SCAPER: variants seen among roughly 807,000 people sequenced by gnomAD.
SCAPER encodes S-phase cyclin A associated protein in the ER, also known as S phase cyclin A-associated protein in the endoplasmic reticulum.
In SCAPER, 98 loss-of-function variants were observed where a neutral mutation model predicts 182.2. That is an observed-to-expected ratio of 0.54 (90% CI 0.46 to 0.64). SCAPER has a LOEUF of 0.64. Among genes scored for constraint, SCAPER ranks in the 30% least tolerant of loss-of-function variants. The pLI is 0.00. For synonymous variants in SCAPER, 605 were observed against 564.6 expected (o/e 1.07, Z -1.01); for missense variants, 1,432 against 1,690.0 (o/e 0.85, Z 2.68).
intron 24 of SCAPER, among the ~76,000 whole-genome samples, chr15:76,476,858 T>TA (rs2050688930): frequency 6.6e-6 from 1 of 152,146 alleles, no homozygotes; most frequent in Non-Finnish European, 1.5e-5. Flanking sequence ...TTTCTCATCC[T>TA]GTGGATATAA....
At chr15:76,872,491 A>C (rs1189435129) in intron 2 of SCAPER, among the ~76,000 whole-genome samples, 5 of 152,212 alleles carry the variant, frequency 3.3e-5, no homozygotes, top group East Asian at 1.9e-4. Flanking sequence ...GACAAAAAAA[A>C]CTCAGCTGAT....
chr15:76,732,825 A>G (rs2061002019), intron 16 of SCAPER, among the ~76,000 whole-genome samples: 1 of 152,200 alleles, frequency 6.6e-6, no homozygotes, highest in African/African-American at 2.4e-5. Flanking sequence ...TAGTGAAAGT[A>G]CTAAAAGTCT....
chr15:76,475,419 T>C (rs1183502918), intron 24 of SCAPER, among the ~76,000 whole-genome samples: 4 of 152,024 alleles, frequency 2.6e-5, no homozygotes, highest in Non-Finnish European at 5.9e-5. Context: ...CTCCGCCTCT[T>C]GGGTTCAAGC....
chr15:76,570,121 G>A (rs542764506), intron 23 of SCAPER, among the ~76,000 whole-genome samples: 1 of 152,194 alleles, frequency 6.6e-6, no homozygotes, highest in Admixed American at 6.5e-5. Flanking sequence ...TGGGGTATTA[G>A]CAATTTAGGA....
At chr15:76,363,041 C>T (rs779736027) in intron 29 of SCAPER, among the ~76,000 whole-genome samples, 6 of 152,226 alleles carry the variant, frequency 3.9e-5, no homozygotes, top group South Asian at 2.1e-4. Context: ...GACCCCAGCA[C>T]TGTGCCTGCC....
chr15:76,741,569 A>G (rs946930172), intron 15 of SCAPER, among the ~76,000 whole-genome samples: 1 of 152,096 alleles, frequency 6.6e-6, no homozygotes, highest in African/African-American at 2.4e-5. Flanking sequence ...GGCAGCTGCA[A>G]TGGAAAATGT....
At chr15:76,874,143 C>T (rs1326833699) in intron 2 of SCAPER, among the ~76,000 whole-genome samples, 1 of 152,146 alleles carries the variant, frequency 6.6e-6, no homozygotes, top group African/African-American at 2.4e-5. Flanking sequence ...ATCCATCTGC[C>T]TCGTCCTCCC....
chr15:76,801,866 AC>A (rs1249342307), intron 6 of SCAPER, among the ~76,000 whole-genome samples: 1 of 151,188 alleles, frequency 6.6e-6, no homozygotes, highest in Non-Finnish European at 1.5e-5. Context: ...CCAAGATGGC[AC>A]CACTGCACTC....
rs1380030491 is a variant in SCAPER at position 76,497,230 on chromosome 15, A to G, written c.2954+7629T>C. 2.0e-5 allele frequency among the ~76,000 whole-genome samples: 3 copies of G among 151,646 alleles called. No individual in the cohort carries two copies. In the East Asian group the frequency reaches 5.8e-4, roughly 29 times the overall value. On this transcript the variant is annotated intron_variant, in intron 24 of 31. Coordinates refer to ENST00000563290, the MANE Select transcript of SCAPER (RefSeq NM_020843.4). ...GATTATTCAAATTCAAATACCTAAGAAAAAAAATCACTTGAAGTTCTGCAA... is the reference window on the plus strand; with the variant it reads ...GATTATTCAAATTCAAATACCTAAGGAAAAAAATCACTTGAAGTTCTGCAA...
chr15:76,723,580 G>A (rs2060397234), intron 17 of SCAPER, among the ~76,000 whole-genome samples: 1 of 152,100 alleles, frequency 6.6e-6, no homozygotes, highest in African/African-American at 2.4e-5. Flanking sequence ...CTCTTTGTAG[G>A]TCTCTAAGGA....
chr15:76,357,129 G>A (rs1224676900), intron 29 of SCAPER, among the ~76,000 whole-genome samples: 2 of 122,296 alleles, frequency 1.6e-5, no homozygotes, highest in Admixed American at 1.9e-4. Flanking sequence ...AATTTAAAAA[G>A]AAGTAACCTT....
At chr15:76,792,688 G>GT (rs2065077118) in intron 8 of SCAPER, among the ~76,000 whole-genome samples, 1 of 152,218 alleles carries the variant, frequency 6.6e-6, no homozygotes, top group South Asian at 2.1e-4. Context: ...GAAAGAGGCT[G>GT]TAAGAAGAAC....
rs1443169487 is a variant in SCAPER, at chr15:76,603,831, T to C, written c.2711+17933A>G. 2.5e-5 allele frequency among the ~76,000 whole-genome samples: 3 copies of C among 122,264 alleles called. 1 individual carries two copies. The highest frequency in any genetic ancestry group is 6.0e-5 in the Non-Finnish European group (3 of 50,248). The allele number at this position is 122,264 out of a possible 152,430, so 80.2% of individuals were successfully genotyped here. A position where few individuals can be genotyped will look rare whatever the true frequency, so the allele number is the denominator to read the frequency against. ...TCTGTTGGCTGCATAAATGTCTTCT[T>C]TTGAGAAGTATCTGTTCATATCCTT... On this transcript the variant is annotated intron_variant, in intron 22 of 31. Coordinates refer to ENST00000563290, the MANE Select transcript of SCAPER (RefSeq NM_020843.4).
intron 24 of SCAPER, chr15:76,472,378 T>C (rs1408999920): frequency 2.2e-5 from 16 of 714,236 alleles, no homozygotes; most frequent in Admixed American, 5.3e-5. Flanking sequence ...AGCGTGTGCA[T>C]TTTTGGTGAC....
In SCAPER at chr15:76,488,714, C is replaced by CTTTTTTTTT. The variant is rs71143333; in HGVS notation, c.2954+16136_2954+16144dup. On this transcript the variant is annotated intron_variant, in intron 24 of 31. Coordinates refer to ENST00000563290, the MANE Select transcript of SCAPER (RefSeq NM_020843.4). ...TTGCATCCTGATAACAGTACACTGC[C>CTTTTTTTTT]TTTTTTTTTTTTTTTTTTTTTTTTT... 1.1e-3 allele frequency among the ~76,000 whole-genome samples: 99 copies of CTTTTTTTTT among 93,108 alleles called. 20 individuals are homozygous for CTTTTTTTTT. Among genetic ancestry groups the CTTTTTTTTT allele is most frequent in the African/African-American group, 2.7e-3 (57 of 20,930 alleles). The allele number at this position is 93,108 out of a possible 152,430, so 61.1% of individuals were successfully genotyped here.
intron 25 of SCAPER, among the ~76,000 whole-genome samples, chr15:76,435,097 G>A (rs2047111648): frequency 6.6e-6 from 1 of 152,124 alleles, no homozygotes; most frequent in Non-Finnish European, 1.5e-5. Flanking sequence ...TGATCACTTG[G>A]ATCCAAAAGG....
intron 20 of SCAPER, among the ~76,000 whole-genome samples, chr15:76,694,034 C>A (rs1598204001): frequency 6.6e-6 from 1 of 151,360 alleles, no homozygotes; most frequent in African/African-American, 2.4e-5. Context: ...GTAATGCCTC[C>A]AGCTTTGTTT....
intron 5 of SCAPER, among the ~76,000 whole-genome samples, chr15:76,823,515 T>C (rs1326184518): frequency 6.6e-6 from 1 of 150,564 alleles, no homozygotes; most frequent in East Asian, 1.9e-4. Context: ...TAAATAAAAA[T>C]AAAATTAAAT....
rs1278462188 is a variant in SCAPER at position 76,904,977 on chromosome 15, C to T, written c.-60+322G>A. 2.0e-5 allele frequency among the ~76,000 whole-genome samples: 3 copies of T among 152,226 alleles called. No homozygotes were observed. The East Asian group carries it at 5.8e-4, about 29-fold the overall frequency. ...TGACGCGGCAGCCCCCCACTCACCC[C>T]TCAGACCGCGTAGTGTGCGGGGTCT... On this transcript the variant is annotated intron_variant, in intron 1 of 31. Transcript: ENST00000563290.
Sources: gnomAD v4.1 joint callset for allele counts (sites outside exome capture counted in the v4.1 genomes callset) on GRCh38, gnomAD v4.1.1 for gene constraint, MANE v1.5 for transcripts, NCBI Gene and HGNC (gene_info 2026-07-23, HGNC 2026-07-21) for gene names.